RAI14: variants seen among roughly 807,000 people sequenced by gnomAD.
RAI14 encodes retinoic acid induced 14.
RAI14 carries 45 observed loss-of-function variants against 115.4 expected under a neutral mutation model. The ratio of observed to expected loss-of-function variants is 0.39; its 90% CI spans 0.31 to 0.50. The LOEUF (loss-of-function observed/expected upper bound fraction) is 0.50. RAI14 is among the 20% of genes least tolerant of loss of function. The pLI is 0.85. For synonymous variants in RAI14, 371 were observed against 415.4 expected (o/e 0.89, Z 1.30); for missense variants, 939 against 1,131.2 (o/e 0.83, Z 2.44).
rs1008444380 is a variant in RAI14, at chr5:34,827,999, T to C, written c.2799+1520T>C. On this transcript the variant is annotated intron_variant, in intron 16 of 17. Transcript: ENST00000265109. The surrounding 1 kb of genome is among the most constrained non-coding windows in gnomAD (Gnocchi z 4.2). ...TCTTGAAGGCCTGAGTAAGAATATG[T>C]TGTTACTTAGCAAGGACTGACATAT... Among the ~76,000 whole-genome samples the C allele has an allele frequency of 2.0e-5, 3 of 152,206 alleles. No homozygotes were observed. Among genetic ancestry groups the C allele is most frequent in the African/African-American group, 4.8e-5 (2 of 41,452 alleles).
chr5:34,802,760 A>C (rs1580313064), intron 4 of RAI14, among the ~76,000 whole-genome samples: 1 of 152,218 alleles, frequency 6.6e-6, no homozygotes, highest in East Asian at 1.9e-4. Flanking sequence ...GCTATGAAGG[A>C]TAAAGAAATA....
intron 2 of RAI14, chr5:34,687,411 T>C (rs1737978642): frequency 2.2e-6 from 1 of 445,648 alleles, no homozygotes; most frequent in African/African-American, 2.0e-5. Context: ...TGTGGTAAAA[T>C]GGTATCTACT....
intron 1 of RAI14, among the ~76,000 whole-genome samples, chr5:34,667,875 A>T (rs147269727): frequency 1.3e-5 from 2 of 152,334 alleles, no homozygotes; most frequent in East Asian, 3.9e-4. Context: ...CACAGATTCC[A>T]TGCTGAGGCT....
chr5:34,746,845 T>G (rs1449850068), intron 2 of RAI14, among the ~76,000 whole-genome samples: 1 of 152,204 alleles, frequency 6.6e-6, no homozygotes, highest in East Asian at 1.9e-4. Flanking sequence ...CACATGTTGT[T>G]GGAGGGACCC....
At chr5:34,802,308 C>T (rs1487681455) in intron 4 of RAI14, among the ~76,000 whole-genome samples, 1 of 152,138 alleles carries the variant, frequency 6.6e-6, no homozygotes, top group African/African-American at 2.4e-5. Context: ...TGAACACGCC[C>T]GATCTCGTCT....
In RAI14 at chr5:34,796,047, T is replaced by G. The variant is rs766767246; in HGVS notation, c.256+20T>G. The G allele has an allele frequency of 6.3e-7, 1 of 1,574,996 alleles. No individual in the cohort carries two copies. Among genetic ancestry groups the G allele is most frequent in the African/African-American group, 1.3e-5 (1 of 74,244 alleles). Reference sequence around the variant, plus strand: ...CTACCGGTATGTGGTTTTTAGTCTCTTAAGTCAGCAGGCCAGCACCAGATT... The same window carrying G: ...CTACCGGTATGTGGTTTTTAGTCTCGTAAGTCAGCAGGCCAGCACCAGATT... On this transcript the variant is annotated intron_variant, in intron 4 of 17. Coordinates refer to ENST00000265109, the MANE Select transcript of RAI14 (RefSeq NM_015577.3).
At chr5:34,737,657 A>T (rs1338112139) in intron 2 of RAI14, among the ~76,000 whole-genome samples, 3 of 152,166 alleles carry the variant, frequency 2.0e-5, no homozygotes, top group African/African-American at 7.2e-5. Context: ...TACTCAGGAA[A>T]CTGAGGTGGG....
intron 1 of RAI14, among the ~76,000 whole-genome samples, chr5:34,659,289 C>G (rs769473319): frequency 1.3e-5 from 2 of 152,106 alleles, no homozygotes; most frequent in Non-Finnish European, 2.9e-5. Context: ...TTTGTTTGAG[C>G]TGCGGTCTCG....
chr5:34,803,142 G>A (rs1207623973), intron 4 of RAI14, among the ~76,000 whole-genome samples: 4 of 152,306 alleles, frequency 2.6e-5, no homozygotes, highest in African/African-American at 7.2e-5. Context: ...CACCGCAAGT[G>A]TCTAGCCTGG....
At chr5:34,811,590 A>G (rs1755587974) in intron 8 of RAI14, among the ~76,000 whole-genome samples, 177 bp from the exon 9 acceptor site, 1 of 151,986 alleles carries the variant, frequency 6.6e-6, no homozygotes, top group African/African-American at 2.4e-5. Flanking sequence ...TTTAAAAAAA[A>G]AAAAAACCAC....
At chr5:34,707,231 C>T (rs557641963) in intron 2 of RAI14, among the ~76,000 whole-genome samples, 3 of 152,330 alleles carry the variant, frequency 2.0e-5, no homozygotes, top group Admixed American at 1.3e-4. Flanking sequence ...CTTTGGGATA[C>T]CAAGGCAGGC....
rs1201550982 is a variant in RAI14 at position 34,827,963 on chromosome 5, C to T, written c.2799+1484C>T. Reference sequence around the variant, plus strand: ...TGAAAAGGTTCCTACGGGAGTTACACTTGTGCTGAGTCTTGAAGGCCTGAG... The same window carrying T: ...TGAAAAGGTTCCTACGGGAGTTACATTTGTGCTGAGTCTTGAAGGCCTGAG... On this transcript the variant is annotated intron_variant, in intron 16 of 17. Coordinates refer to ENST00000265109, the MANE Select transcript of RAI14 (RefSeq NM_015577.3). This position sits in a 1 kb window ranked among gnomAD's most constrained non-coding sequence, Gnocchi z 4.2. Among the ~76,000 whole-genome samples the T allele has an allele frequency of 1.3e-5, 2 of 152,206 alleles. No homozygotes were observed. Among genetic ancestry groups the T allele is most frequent in the African/African-American group, 4.8e-5 (2 of 41,448 alleles).
chr5:34,665,146 T>TAC lies in RAI14; in HGVS notation c.-49+8672_-49+8673insCA, dbSNP rs1743058947. On this transcript the variant is annotated intron_variant, in intron 1 of 17. Transcript: ENST00000265109. ...ATATGTATGTGTATATATATACACA[T>TAC]ATATATGTGTGTGTATATATATATA... Among the ~76,000 whole-genome samples, 21 of 67,696 alleles carry TAC rather than the reference T, an allele frequency of 3.1e-4. 8 individuals carry two copies. Among genetic ancestry groups the TAC allele is most frequent in the African/African-American group, 9.9e-4 (21 of 21,154 alleles). The allele number at this position is 67,696 out of a possible 152,430, so 44.4% of individuals were successfully genotyped here. A position where few individuals can be genotyped will look rare whatever the true frequency, so the allele number is the denominator to read the frequency against.
At chr5:34,793,925 C>T (rs1435797082) in intron 3 of RAI14, among the ~76,000 whole-genome samples, 1 of 152,016 alleles carries the variant, frequency 6.6e-6, no homozygotes. Flanking sequence ...TCCATATTCC[C>T]AAGAGCAATT....
intron 2 of RAI14, among the ~76,000 whole-genome samples, chr5:34,697,436 CAAAAAAAAAAAAGA>C (rs1350178834): frequency 7.8e-5 from 5 of 64,322 alleles, no homozygotes; most frequent in Admixed American, 1.8e-4. Context: ...AACTCTGTCT[CAAAAAAAAAAAAGA>C]AAAAAAAAAA....
At chr5:34,805,701 C>T (rs756365627) in intron 5 of RAI14, among the ~76,000 whole-genome samples, 8 of 151,920 alleles carry the variant, frequency 5.3e-5, no homozygotes, top group South Asian at 4.2e-4. Context: ...ATTAGCCGGG[C>T]GTGGTGGTGC....
chr5:34,802,520 C>A (rs1040482169), intron 4 of RAI14, among the ~76,000 whole-genome samples: 4 of 152,028 alleles, frequency 2.6e-5, no homozygotes, highest in Admixed American at 2.6e-4. Flanking sequence ...TCCCCAGGTC[C>A]CCCCATCCAG....
At chr5:34,721,796 T>C (rs1396256632) in intron 2 of RAI14, among the ~76,000 whole-genome samples, 2 of 152,138 alleles carry the variant, frequency 1.3e-5, no homozygotes, top group African/African-American at 2.4e-5. Flanking sequence ...CTGCAGCCTC[T>C]GCTTCCTGGG....
Position 34,752,739 on chromosome 5 carries a change from G to GTATA in RAI14, c.37-4728_37-4727insATAT, listed in dbSNP as rs1315594173. Among the ~76,000 whole-genome samples the GTATA allele has an allele frequency of 4.2e-3, 448 of 105,684 alleles. 19 individuals are homozygous for GTATA. The highest frequency in any genetic ancestry group is 0.018 in the Middle Eastern group (4 of 226). The allele number at this position is 105,684 out of a possible 152,430, so 69.3% of individuals were successfully genotyped here. On this transcript the variant is annotated intron_variant, in intron 2 of 17. Coordinates refer to ENST00000265109, the MANE Select transcript of RAI14 (RefSeq NM_015577.3). ...TGTGTGTGTGTGTGTGTGTGTGTGT[G>GTATA]TGTGTGTGTGTATATATATATATAT...
Sources: gnomAD v4.1 joint callset for allele counts (sites outside exome capture counted in the v4.1 genomes callset) on GRCh38, gnomAD v4.1.1 for gene constraint, Gnocchi (gnomAD v3.1) non-coding constraint, MANE v1.5 for transcripts, NCBI Gene and HGNC (gene_info 2026-07-23, HGNC 2026-07-21) for gene names.